The following AIFM2 variants were observed in gnomAD, a reference collection of about 807,000 sequenced individuals.
AIFM2 encodes ferroptosis suppressor protein 1.
In AIFM2, 38 loss-of-function variants were observed where a neutral mutation model predicts 35.7. That is an observed-to-expected ratio of 1.06 (90% CI 0.82 to 1.39). The LOEUF (loss-of-function observed/expected upper bound fraction) is 1.39, where lower values mean the gene tolerates loss of function less well. AIFM2 is among the 40% of genes most tolerant of loss of function. AIFM2 has a pLI of 0.00. For missense variants in AIFM2, 476 were observed against 491.2 expected (o/e 0.97, Z 0.29); for synonymous variants, 185 against 203.5 (o/e 0.91, Z 0.77).
chr10:70,114,657 A>T, intron 8 of AIFM2: 1 of 517,290 alleles, frequency 1.9e-6, no homozygotes, highest in Middle Eastern at 5.4e-4. Flanking sequence ...TATTTTTAGT[A>T]GAGACGGGGT....
chr10:70,123,893 C>A lies in AIFM2; in HGVS notation c.178+14G>T, dbSNP rs778823464. 2.6e-6 allele frequency: 4 copies of A among 1,548,534 alleles called. No individual in the cohort carries two copies. Among genetic ancestry groups the A allele is most frequent in the Non-Finnish European group, 2.6e-6 (3 of 1,142,894 alleles). ...CCCCCCTCACAGAGACAGCCCCAGA[C>A]GGGAGCACATTACCTGTCTCCACGG... On this transcript the variant is annotated intron_variant, in intron 2 of 8. Transcript: ENST00000307864.
At chr10:70,129,444 C>T (rs1329283731) in intron 1 of AIFM2, among the ~76,000 whole-genome samples, 2 of 152,064 alleles carry the variant, frequency 1.3e-5, no homozygotes, top group African/African-American at 2.4e-5. Context: ...AAGATCTAAT[C>T]CCATTTATGG....
chr10:70,113,973 A>G lies in AIFM2; in HGVS notation c.*205T>C, dbSNP rs2072404347. On this transcript the variant is annotated 3_prime_UTR_variant, in exon 9 of 9. Transcript: ENST00000307864. Reference sequence around the variant, plus strand: ...CACAGCAAGCACACCTTCCAAACCCAGAAAGTATCCTCTAAGGGGGGTATT... The same window carrying G: ...CACAGCAAGCACACCTTCCAAACCCGGAAAGTATCCTCTAAGGGGGGTATT... 1.5e-6 allele frequency: 1 copy of G among 650,612 alleles called. No individual in the cohort carries two copies. Among genetic ancestry groups the G allele is most frequent in the African/African-American group, 1.8e-5 (1 of 54,470 alleles). The allele number at this position is 650,612 out of a possible 1,614,324, so 40.3% of individuals were successfully genotyped here.
At chr10:70,122,137 C>G (rs2072516415) in intron 3 of AIFM2, among the ~76,000 whole-genome samples, 1 of 151,904 alleles carries the variant, frequency 6.6e-6, no homozygotes, top group Non-Finnish European at 1.5e-5. Flanking sequence ...AAATTGTAAA[C>G]AAAGAAAAGG....
chr10:70,114,548 C>T (rs1055172135), intron 8 of AIFM2, among the ~76,000 whole-genome samples: 2 of 152,066 alleles, frequency 1.3e-5, no homozygotes, highest in Non-Finnish European at 2.9e-5. Flanking sequence ...GATCTTGGCT[C>T]GCTGCAACCT....
At chr10:70,123,144 G>A (rs1162742004) in intron 3 of AIFM2, among the ~76,000 whole-genome samples, 1 of 152,164 alleles carries the variant, frequency 6.6e-6, no homozygotes, top group Non-Finnish European at 1.5e-5. Flanking sequence ...CCAGCCTCCT[G>A]AGTAGCTGAG....
Position 70,117,780 on chromosome 10 carries a change from C to T in AIFM2, c.616+32G>A. ...CAAGCCACATCTCACCAGGCCAGGG[C>T]AGGGCAGGGAGGGAGGTGAGGGTGC... On this transcript the variant is annotated intron_variant, in intron 6 of 8. Coordinates refer to ENST00000307864, the MANE Select transcript of AIFM2 (RefSeq NM_032797.6). The surrounding 1 kb of genome is among the most constrained non-coding windows in gnomAD (Gnocchi z 4.7). 4.5e-6 allele frequency: 7 copies of T among 1,563,294 alleles called. No homozygotes were observed. The highest frequency in any genetic ancestry group is 6.1e-6 in the Non-Finnish European group (7 of 1,146,856).
intron 5 of AIFM2, chr10:70,118,195 C>A: frequency 2.8e-6 from 1 of 353,272 alleles, no homozygotes. Flanking sequence ...TCACCTAGGG[C>A]CACCTGGAAA....
intron 1 of AIFM2, among the ~76,000 whole-genome samples, chr10:70,129,357 TTA>T (rs142107338): frequency 4.6e-5 from 7 of 150,640 alleles, no homozygotes; most frequent in Non-Finnish European, 3.0e-5. Flanking sequence ...CAGCCACGTT[TTA>T]TATATATATA....
At chr10:70,126,430 T>C (rs2072566713) in intron 1 of AIFM2, among the ~76,000 whole-genome samples, 1 of 152,182 alleles carries the variant, frequency 6.6e-6, no homozygotes, top group African/African-American at 2.4e-5. Context: ...ATCAAGCCAC[T>C]GAACAGCCTC....
intron 8 of AIFM2, among the ~76,000 whole-genome samples, chr10:70,114,604 A>G (rs138181545): frequency 0.029 from 4,400 of 152,068 alleles, 241 homozygotes; most frequent in East Asian, 0.18. Context: ...CCTCCCGAGT[A>G]GCTGGGATTA....
Position 70,121,097 on chromosome 10 carries a change from T to C in AIFM2, c.409A>G (p.Arg137Gly), listed in dbSNP as rs2072498917. 1.2e-6 allele frequency: 2 copies of C among 1,611,042 alleles called. No homozygotes were observed. Among genetic ancestry groups the C allele is most frequent in the Admixed American group, 1.7e-5 (1 of 59,490 alleles). Residue 137 changes from arginine (R) to glycine (G), a missense_variant, in exon 4 of 9, where the codon AGG becomes GGG. Coordinates refer to ENST00000307864, the MANE Select transcript of AIFM2 (RefSeq NM_032797.6). ...GCCTTCAGTGCACAGCTCACCTGCC[T>C]CACCATGTCCTCATAGGCCTGGATA... ...AAIQAYEDMV[R>G]QVQRSRFIVV...
intron 7 of AIFM2, 113 bp downstream of exon 7, chr10:70,116,509 A>G: frequency 1.5e-6 from 2 of 1,344,046 alleles, no homozygotes; most frequent in African/African-American, 1.4e-5. Flanking sequence ...GCTGTTGGGA[A>G]GAAAGGGGGA....
At chr10:70,123,660 G>A (rs148896363) in intron 2 of AIFM2, 140 bp from the exon 3 acceptor site, 301 of 818,382 alleles carry the variant, frequency 3.7e-4, no homozygotes, top group Middle Eastern at 1.3e-3. Flanking sequence ...TATGCCTGGG[G>A]TACCCCTACT....
At chr10:70,130,388 A>G (rs2072615091) in intron 1 of AIFM2, among the ~76,000 whole-genome samples, 1 of 152,152 alleles carries the variant, frequency 6.6e-6, no homozygotes, top group African/African-American at 2.4e-5. Context: ...TGTTCTAGAC[A>G]ATTCATGTAG....
chr10:70,118,038 C>T, intron 5 of AIFM2, 118 bp from the exon 6 acceptor site: 1 of 726,838 alleles, frequency 1.4e-6, no homozygotes, highest in Non-Finnish European at 2.3e-6. Flanking sequence ...AACTGAAGCT[C>T]CAGAGAAGTA....
chr10:70,117,831 C>T lies in AIFM2; in HGVS notation c.597G>A (p.Lys199=). Residue 199 remains lysine, a synonymous_variant, in exon 6 of 9, where the codon AAG becomes AAA. Coordinates refer to ENST00000307864, the MANE Select transcript of AIFM2 (RefSeq NM_032797.6). This position sits in a 1 kb window ranked among gnomAD's most constrained non-coding sequence, Gnocchi z 4.7. ...RQEVKEILLR[K]GVQLLLSERV... ...ACGTACTCAGCAGCAGCTGCACGCC[C>T]TTCCGGAGGAGGATCTCCTTCACTT... 5 of 1,605,390 alleles carry T rather than the reference C, an allele frequency of 3.1e-6. No individual in the cohort carries two copies. Among genetic ancestry groups the T allele is most frequent in the South Asian group, 2.2e-5 (2 of 90,054 alleles).
At chr10:70,122,869 C>T (rs1410871920) in intron 3 of AIFM2, among the ~76,000 whole-genome samples, 2 of 152,246 alleles carry the variant, frequency 1.3e-5, no homozygotes, top group South Asian at 2.1e-4. Context: ...ATGAGACTTA[C>T]GTAAAGGCTA....
In AIFM2 at chr10:70,117,840, G is replaced by A; in HGVS notation, c.588C>T (p.Leu196=). The A allele has an allele frequency of 6.2e-7, 1 of 1,604,938 alleles. No individual in the cohort carries two copies. The highest frequency in any genetic ancestry group is 8.5e-7 in the Non-Finnish European group (1 of 1,176,602). ...PSVRQEVKEI[L]LRKGVQLLLS... is the part of the protein sequence containing the mutation. ...GCAGCAGCTGCACGCCCTTCCGGAG[G>A]AGGATCTCCTTCACTTCCTGCCGGA... The change falls in exon 6 of 9, where the codon CTC becomes CTT. Residue 196 remains leucine, a synonymous_variant. Coordinates refer to ENST00000307864, the MANE Select transcript of AIFM2 (RefSeq NM_032797.6). The surrounding 1 kb of genome is among the most constrained non-coding windows in gnomAD (Gnocchi z 4.7).
Sources: allele counts gnomAD v4.1 joint callset (sites outside exome capture counted in the v4.1 genomes callset), GRCh38; gene constraint gnomAD v4.1.1; non-coding constraint Gnocchi (gnomAD v3.1); transcripts MANE v1.5; gene names NCBI Gene and HGNC (gene_info 2026-07-23, HGNC 2026-07-21).